Variants in GLIS3 observed in about 807,000 individuals in gnomAD.
The protein encoded by GLIS3 is zinc finger protein GLIS3.
GLIS3 carries 53 observed loss-of-function variants against 78.6 expected under a neutral mutation model. The ratio of observed to expected loss-of-function variants is 0.67; its 90% CI spans 0.54 to 0.85. GLIS3 has a LOEUF of 0.85. Among genes scored for constraint, GLIS3 ranks in the 40% least tolerant of loss-of-function variants. The pLI is 0.00. For synonymous variants in GLIS3, 684 were observed against 509.9 expected (o/e 1.34, Z -4.60); for missense variants, 1,703 against 1,231.1 (o/e 1.38, Z -5.74).
intron 2 of GLIS3, among the ~76,000 whole-genome samples, chr9:4,159,033 G>GAAAAAAAA (rs1315271767): frequency 1.1e-5 from 1 of 87,660 alleles, no homozygotes; most frequent in African/African-American, 4.0e-5. Flanking sequence ...AGGAGAAGAA[G>GAAAAAAAA]AAAAAAAAAA....
chr9:4,466,495 G>C, the GLIS3 span, among the ~76,000 whole-genome samples: 1 of 152,164 alleles, frequency 6.6e-6, no homozygotes, highest in Non-Finnish European at 1.5e-5. Context: ...AAGAAAGTAG[G>C]ATAACAGAAC....
At chr9:3,854,930 TGATTTAG>T (rs1819668595) in intron 9 of GLIS3, among the ~76,000 whole-genome samples, 1 of 152,224 alleles carries the variant, frequency 6.6e-6, no homozygotes, top group South Asian at 2.1e-4. Context: ...ATTTGCATAT[TGATTTAG>T]ATTTGTTTGT....
the GLIS3 span, among the ~76,000 whole-genome samples, chr9:4,385,587 C>A: frequency 3.4e-5 from 5 of 148,976 alleles, no homozygotes; most frequent in Admixed American, 2.7e-4. Flanking sequence ...AATGCTTGAA[C>A]CTAGGAGGCA....
At chr9:4,038,797 G>C (rs935451155) in intron 4 of GLIS3, among the ~76,000 whole-genome samples, 1 of 152,048 alleles carries the variant, frequency 6.6e-6, no homozygotes, top group African/African-American at 2.4e-5. Flanking sequence ...TAAATGTGTG[G>C]ATCCAGCCTT....
intron 9 of GLIS3, among the ~76,000 whole-genome samples, chr9:3,853,609 G>C (rs901458258): frequency 6.6e-6 from 1 of 152,218 alleles, no homozygotes; most frequent in East Asian, 1.9e-4. Context: ...AGAGAAGATA[G>C]ATGAAATGCC....
At chr9:3,957,058 T>A (rs1468965690) in intron 4 of GLIS3, among the ~76,000 whole-genome samples, 1 of 152,184 alleles carries the variant, frequency 6.6e-6, no homozygotes, top group Non-Finnish European at 1.5e-5. Context: ...TTACTAGGCC[T>A]CTAAGCCACC....
the GLIS3 span, among the ~76,000 whole-genome samples, chr9:4,375,113 C>T: frequency 6.6e-6 from 1 of 152,154 alleles, no homozygotes; most frequent in Admixed American, 6.5e-5. Flanking sequence ...TGACAGAACC[C>T]ACTGTTCTTA....
At chr9:4,231,363 T>C (rs62541790) in intron 2 of GLIS3, among the ~76,000 whole-genome samples, 1,703 of 151,930 alleles carry the variant, frequency 0.011, 12 homozygotes, top group Non-Finnish European at 0.017. Flanking sequence ...GAGAGAAGAG[T>C]CTGTTCTCTA....
chr9:4,337,605 G>C (rs921312332), intron 2 of GLIS3, among the ~76,000 whole-genome samples: 2 of 151,848 alleles, frequency 1.3e-5, no homozygotes, highest in Non-Finnish European at 2.9e-5. Flanking sequence ...CATTTTTTCT[G>C]ACATGCTGAG....
intron 1 of GLIS3, among the ~76,000 whole-genome samples, chr9:4,296,985 TC>T (rs1434746264): frequency 1.3e-5 from 2 of 151,624 alleles, no homozygotes; most frequent in Non-Finnish European, 2.9e-5. Context: ...AGAACGACCT[TC>T]ATCGTGGCGG....
At chr9:3,943,447 C>T (rs1167978094) in intron 4 of GLIS3, among the ~76,000 whole-genome samples, 1 of 152,174 alleles carries the variant, frequency 6.6e-6, no homozygotes, top group Non-Finnish European at 1.5e-5. Flanking sequence ...CTTAACAGGG[C>T]ACTGAACTCA....
Position 3,828,206 on chromosome 9 carries a change from G to C in GLIS3, c.*66C>G, listed in dbSNP as rs2129920778. The stretch of plus-strand genomic sequence containing the variant: ...ATCCTTCCTCAAGCAGTCTGTGAGA[G>C]TACGAAAACAAAAGGTGGCAAGCAA... On this transcript the variant is annotated 3_prime_UTR_variant, in exon 11 of 11. Coordinates refer to ENST00000381971, the MANE Select transcript of GLIS3 (RefSeq NM_001042413.2). 1.3e-6 allele frequency: 2 copies of C among 1,589,722 alleles called. No individual in the cohort carries two copies. Among genetic ancestry groups the C allele is most frequent in the East Asian group, 4.5e-5 (2 of 44,734 alleles).
rs115194471 is a variant in GLIS3 at position 3,976,010 on chromosome 9, T to C, written c.1711-38821A>G. 7.9e-3 allele frequency among the ~76,000 whole-genome samples: 1,203 copies of C among 152,244 alleles called. 14 individuals carry two copies. Among genetic ancestry groups the C allele is most frequent in the African/African-American group, 0.028 (1,150 of 41,538 alleles). On this transcript the variant is annotated intron_variant, in intron 4 of 10. Coordinates refer to ENST00000381971, the MANE Select transcript of GLIS3 (RefSeq NM_001042413.2). ...CAGCCAATCAGGTCCTGGCGGGCCATATGTGTATTTATAAATATATCTGCT... is the reference window on the plus strand; with the variant it reads ...CAGCCAATCAGGTCCTGGCGGGCCACATGTGTATTTATAAATATATCTGCT...
chr9:4,152,113 C>A lies in GLIS3; in HGVS notation c.389-26172G>T, dbSNP rs1275462574. ...CAATATTTTTCTACGGCCATTCAAA[C>A]CTCTATTAGTTGCCACTTCAGCAGC... On this transcript the variant is annotated intron_variant, in intron 2 of 10. Coordinates refer to ENST00000381971, the MANE Select transcript of GLIS3 (RefSeq NM_001042413.2). 1.1e-5 allele frequency: 11 copies of A among 982,352 alleles called. No homozygotes were observed. The East Asian group carries it at 9.1e-4, about 81-fold the overall frequency. The allele number at this position is 982,352 out of a possible 1,614,324, so 60.9% of individuals were successfully genotyped here. A position where few individuals can be genotyped will look rare whatever the true frequency, so the allele number is the denominator to read the frequency against.
intron 4 of GLIS3, among the ~76,000 whole-genome samples, chr9:4,066,297 G>C (rs2130600484): frequency 6.6e-6 from 1 of 152,270 alleles, no homozygotes; most frequent in Middle Eastern, 3.4e-3. Context: ...GACCTCACTA[G>C]GGTTTCCAGA....
the GLIS3 span, among the ~76,000 whole-genome samples, chr9:4,443,856 A>G: frequency 1.3e-5 from 2 of 152,196 alleles, no homozygotes; most frequent in South Asian, 2.1e-4. Flanking sequence ...TGGTGTCAAA[A>G]AGGTTGGCTC....
chr9:4,367,134 A>G, the GLIS3 span, among the ~76,000 whole-genome samples: 7 of 152,326 alleles, frequency 4.6e-5, no homozygotes, highest in South Asian at 4.1e-4. Context: ...AAGCTCTCCA[A>G]TGATCCTCCA....
intron 2 of GLIS3, among the ~76,000 whole-genome samples, chr9:4,199,456 TTATATATAAGTTTA>T (rs552560705): frequency 3.0e-3 from 450 of 149,556 alleles, no homozygotes; most frequent in Non-Finnish European, 4.8e-3. Flanking sequence ...CATATATAAG[TTATATATAAGTTTA>T]TATATATAAG....
intron 2 of GLIS3, chr9:4,310,604 C>A (rs778692946): frequency 6.6e-6 from 1 of 152,310 alleles, no homozygotes. Context: ...CAAAGCTAAA[C>A]TATATGTGTC....
Sources: allele counts gnomAD v4.1 joint callset (sites outside exome capture counted in the v4.1 genomes callset), GRCh38; gene constraint gnomAD v4.1.1; transcripts MANE v1.5; gene names NCBI Gene and HGNC (gene_info 2026-07-23, HGNC 2026-07-21).